FSTL4: variants seen among roughly 807,000 people sequenced by gnomAD.
The protein encoded by FSTL4 is follistatin-related protein 4.
A neutral mutation model predicts 78.2 loss-of-function variants in FSTL4; 28 were observed. The observed-to-expected ratio is 0.36, with a 90% CI of 0.27 to 0.49. The LOEUF (loss-of-function observed/expected upper bound fraction) is 0.49. Among genes scored for constraint, FSTL4 ranks in the 20% least tolerant of loss-of-function variants. The pLI, the probability that FSTL4 is intolerant of heterozygous loss-of-function variation, is 0.98. For synonymous variants in FSTL4, 422 were observed against 440.5 expected (o/e 0.96, Z 0.53); for missense variants, 922 against 1,084.9 (o/e 0.85, Z 2.11).
At chr5:133,565,127 G>A (rs905489282) in intron 3 of FSTL4, among the ~76,000 whole-genome samples, 1 of 152,184 alleles carries the variant, frequency 6.6e-6, no homozygotes, top group African/African-American at 2.4e-5. Flanking sequence ...CTTGTAAGCT[G>A]TGCAGAAAAA....
the FSTL4 span, among the ~76,000 whole-genome samples, chr5:133,663,593 T>C: frequency 6.6e-6 from 1 of 152,250 alleles, no homozygotes; most frequent in Non-Finnish European, 1.5e-5. Context: ...GTTCAATTGC[T>C]GCACACGTGG....
chr5:133,536,375 T>G (rs918499733), intron 3 of FSTL4, among the ~76,000 whole-genome samples: 6 of 152,166 alleles, frequency 3.9e-5, no homozygotes, highest in Non-Finnish European at 7.4e-5. Context: ...AACAGCATAT[T>G]GTGAACAACT....
intron 3 of FSTL4, among the ~76,000 whole-genome samples, chr5:133,553,651 T>C (rs1352682643): frequency 1.3e-5 from 2 of 152,226 alleles, no homozygotes; most frequent in Non-Finnish European, 2.9e-5. Flanking sequence ...GCATAGCATA[T>C]GGCATATGGT....
intron 7 of FSTL4, chr5:133,247,306 A>T (rs148041646): frequency 6.6e-6 from 1 of 152,374 alleles, no homozygotes. Flanking sequence ...AAAAGTAGAA[A>T]TGCAATTGAG....
chr5:133,265,596 A>G (rs1368955457), intron 6 of FSTL4, among the ~76,000 whole-genome samples: 3 of 152,210 alleles, frequency 2.0e-5, no homozygotes, highest in Non-Finnish European at 2.9e-5. Flanking sequence ...GGGTGAAACT[A>G]AACGTTTGAA....
At chr5:133,765,358 A>T in the FSTL4 span, among the ~76,000 whole-genome samples, 2 of 152,256 alleles carry the variant, frequency 1.3e-5, no homozygotes, top group Non-Finnish European at 2.9e-5. Context: ...AAATTTTTTG[A>T]TGTGAAGAAG....
At chr5:133,781,246 G>A in the FSTL4 span, among the ~76,000 whole-genome samples, 1 of 152,214 alleles carries the variant, frequency 6.6e-6, no homozygotes, top group East Asian at 1.9e-4. Context: ...GATAGTAACA[G>A]GTCCAGACAT....
intron 2 of FSTL4, among the ~76,000 whole-genome samples, chr5:133,582,852 G>A (rs2112960201): frequency 6.6e-6 from 1 of 152,204 alleles, no homozygotes; most frequent in East Asian, 1.9e-4. Context: ...GGCTATCCCT[G>A]TCCTGCCCTT....
chr5:133,663,007 C>T, the FSTL4 span, among the ~76,000 whole-genome samples: 2 of 152,110 alleles, frequency 1.3e-5, no homozygotes, highest in Non-Finnish European at 2.9e-5. Flanking sequence ...ACATATTGTA[C>T]AATTCCAACA....
rs141567760 is a variant in FSTL4 at position 133,370,184 on chromosome 5, C to A, written c.409+30554G>T. ...ATATTTTCTGTCTGCCCTGATGAGA[C>A]CCAGAGTTCTCCAGGGCAGAAGAGG... On this transcript the variant is annotated intron_variant, in intron 4 of 15. Coordinates refer to ENST00000265342, the MANE Select transcript of FSTL4 (RefSeq NM_015082.2). Among the ~76,000 whole-genome samples the A allele has an allele frequency of 2.1e-3, 316 of 152,250 alleles. 2 individuals are homozygous for A. Among genetic ancestry groups the A allele is most frequent in the African/African-American group, 7.4e-3 (309 of 41,546 alleles).
Position 133,233,541 on chromosome 5 carries a change from C to T in FSTL4, c.895-4G>A, listed in dbSNP as rs376507229. On this transcript the variant is annotated splice_polypyrimidine_tract_variant and splice_region_variant and intron_variant, in intron 7 of 15. Transcript: ENST00000265342. ...GGGAATCATCCTCTCCAAAGTCCTG[C>T]ACAGGGCAAAGATGACGATGAGACT... The T allele has an allele frequency of 3.7e-6, 6 of 1,609,434 alleles. No individual in the cohort carries two copies. In the African/African-American group the frequency reaches 8.2e-5, roughly 22 times the overall value.
chr5:133,353,012 C>G (rs186879041), intron 4 of FSTL4, among the ~76,000 whole-genome samples: 31 of 152,196 alleles, frequency 2.0e-4, no homozygotes, highest in Admixed American at 1.9e-3. Flanking sequence ...TGGAAAACAG[C>G]AGATCTGTCC....
the FSTL4 span, among the ~76,000 whole-genome samples, chr5:133,659,746 G>C: frequency 6.6e-6 from 1 of 151,506 alleles, no homozygotes. Context: ...TAGCTTAAAA[G>C]TTAAATATTT....
the FSTL4 span, among the ~76,000 whole-genome samples, chr5:133,646,846 A>G: frequency 9.9e-5 from 15 of 152,100 alleles, no homozygotes; most frequent in African/African-American, 1.7e-4. Flanking sequence ...TGTCCCCACA[A>G]TCCCTTTACA....
chr5:133,692,293 C>T, the FSTL4 span, among the ~76,000 whole-genome samples: 6 of 152,082 alleles, frequency 3.9e-5, no homozygotes, highest in East Asian at 3.9e-4. Flanking sequence ...CTGGAGTGGA[C>T]GAAACAGAGG....
At chr5:133,617,453 G>T (rs1761220584), upstream of FSTL4, among the ~76,000 whole-genome samples, 1 of 152,134 alleles carries the variant, frequency 6.6e-6, no homozygotes, top group Non-Finnish European at 1.5e-5. Context: ...CACAGTTAAT[G>T]CCCTGAGGGC....
At chr5:133,722,734 A>G in the FSTL4 span, among the ~76,000 whole-genome samples, 1 of 152,100 alleles carries the variant, frequency 6.6e-6, no homozygotes, top group African/African-American at 2.4e-5. Flanking sequence ...CTCAAACTTT[A>G]TAGAGTGGCT....
the FSTL4 span, among the ~76,000 whole-genome samples, chr5:133,791,611 T>G: frequency 6.6e-6 from 1 of 152,332 alleles, no homozygotes; most frequent in African/African-American, 2.4e-5. Context: ...CAGGGCTCAG[T>G]GTTTCCAGCC....
chr5:133,212,443 A>T (rs1168766245), intron 13 of FSTL4, among the ~76,000 whole-genome samples: 1 of 152,232 alleles, frequency 6.6e-6, no homozygotes, highest in African/African-American at 2.4e-5. Flanking sequence ...TTAGGGGCAA[A>T]TCAGAGGCAG....
Sources: gnomAD v4.1 joint callset for allele counts (sites outside exome capture counted in the v4.1 genomes callset) on GRCh38, gnomAD v4.1.1 for gene constraint, MANE v1.5 for transcripts, NCBI Gene and HGNC (gene_info 2026-07-23, HGNC 2026-07-21) for gene names.